The following BRF1 variants were observed in gnomAD, a reference collection of about 807,000 sequenced individuals.
BRF1 encodes the protein transcription factor IIIB 90 kDa subunit.
BRF1 carries 59 observed loss-of-function variants against 81.7 expected under a neutral mutation model. That is an observed-to-expected ratio of 0.72 (90% CI 0.59 to 0.90). The LOEUF is 0.90. BRF1 is among the 40% of genes least tolerant of loss of function. BRF1 has a pLI of 0.00. For synonymous variants in BRF1, 491 were observed against 395.6 expected (o/e 1.24, Z -2.86); for missense variants, 1,050 against 936.3 (o/e 1.12, Z -1.58).
At chr14:105,268,838 G>A (rs1386073672) in intron 3 of BRF1, among the ~76,000 whole-genome samples, 1 of 152,196 alleles carries the variant, frequency 6.6e-6, no homozygotes, top group Non-Finnish European at 1.5e-5. Flanking sequence ...AGTCCAGAAG[G>A]TGACGGGAGC....
chr14:105,210,597 GAGCAC>G lies in BRF1; in HGVS notation c.1997-14_1997-10del. The G allele has an allele frequency of 6.2e-7, 1 of 1,611,426 alleles. No homozygotes were observed. ...GCCATCACAGCCATAGTCTGCAGAAGAGCACAGTCATGAAGCCCAGGGTCTCTGTG... is the reference window on the plus strand; with the variant it reads ...GCCATCACAGCCATAGTCTGCAGAAGAGTCATGAAGCCCAGGGTCTCTGTG... On this transcript the variant is annotated splice_polypyrimidine_tract_variant and intron_variant, in intron 17 of 17. Coordinates refer to ENST00000547530, the MANE Select transcript of BRF1 (RefSeq NM_001519.4). This position sits in a 1 kb window ranked among gnomAD's most constrained non-coding sequence, Gnocchi z 4.7.
intron 12 of BRF1, 112 bp from the exon 13 acceptor site, chr14:105,219,344 G>A (rs977934657): frequency 1.3e-6 from 2 of 1,543,664 alleles, no homozygotes; most frequent in Non-Finnish European, 1.7e-6. Context: ...GGGGAACCCG[G>A]GGCAGCCTCT....
intron 13 of BRF1, 42 bp downstream of exon 13, chr14:105,219,109 G>A (rs1186546995): frequency 2.5e-6 from 4 of 1,613,856 alleles, no homozygotes; most frequent in African/African-American, 1.3e-5. Flanking sequence ...CAGGCCTGGG[G>A]ACTGTGCGTC....
rs117072247 is a variant in BRF1, at chr14:105,286,890, T to C, written c.185-514A>G. ...AGATGTACCTCCAAACCTCTGCAAG[T>C]GGTGCACACACAGCATGGGCTGGCC... On this transcript the variant is annotated intron_variant, in intron 1 of 17. Transcript: ENST00000547530. 9.2e-3 allele frequency among the ~76,000 whole-genome samples: 1,408 copies of C among 152,328 alleles called. 10 individuals carry two copies. The highest frequency in any genetic ancestry group is 0.024 in the Middle Eastern group (7 of 294).
At chr14:105,250,088 G>A in intron 5 of BRF1, 1 of 1,612,984 alleles carries the variant, frequency 6.2e-7, no homozygotes, top group Admixed American at 1.7e-5. Context: ...GACCCTAGAG[G>A]AGTTTGCCAA....
intron 12 of BRF1, chr14:105,219,687 C>T (rs773339217): frequency 2.7e-5 from 11 of 407,704 alleles, no homozygotes; most frequent in Admixed American, 3.9e-5. Context: ...GAGCTGGTCC[C>T]AATGGCTGGA....
chr14:105,258,304 T>C (rs1418447898), intron 3 of BRF1, among the ~76,000 whole-genome samples: 2 of 151,080 alleles, frequency 1.3e-5, no homozygotes, highest in African/African-American at 2.4e-5. Context: ...CTGGCTAACA[T>C]GGTGAAACCC....
intron 15 of BRF1, among the ~76,000 whole-genome samples, chr14:105,215,642 ACACAGG>A (rs1891038040): frequency 6.8e-6 from 1 of 147,672 alleles, no homozygotes; most frequent in Admixed American, 6.7e-5. Context: ...GCATACACAG[ACACAGG>A]CACACACACA....
chr14:105,212,514 CTG>C (rs1437874569), intron 15 of BRF1: 7 of 282,016 alleles, frequency 2.5e-5, no homozygotes, highest in Non-Finnish European at 1.4e-5. Flanking sequence ...TGAAGGGACA[CTG>C]TCAGACCCGA....
intron 5 of BRF1, among the ~76,000 whole-genome samples, chr14:105,243,182 T>C (rs2054828062): frequency 6.6e-6 from 1 of 150,544 alleles, no homozygotes; most frequent in Admixed American, 6.6e-5. Context: ...GGCTCACATC[T>C]GTAATCCCAG....
chr14:105,247,690 G>A (rs1191841644), intron 5 of BRF1: 23 of 985,346 alleles, frequency 2.3e-5, no homozygotes, highest in East Asian at 1.1e-4. Context: ...TCCTGCATAT[G>A]GAAGTTTTAA....
At chr14:105,244,398 C>G (rs2054931126) in intron 5 of BRF1, among the ~76,000 whole-genome samples, 1 of 152,134 alleles carries the variant, frequency 6.6e-6, no homozygotes, top group Non-Finnish European at 1.5e-5. Context: ...GAGCCATGAC[C>G]TTGCCACTGC....
At position 105,219,904 on chromosome 14, in the gene BRF1, G is replaced by C. The variant is rs587625611; in HGVS notation, c.1377+165C>G. The C allele has an allele frequency of 9.6e-5, 70 of 731,178 alleles. No individual in the cohort carries two copies. In the Middle Eastern group the frequency reaches 1.3e-3, roughly 14 times the overall value. 45.3% of individuals were successfully genotyped at this position (731,178 alleles called of 1,614,324 possible). ...GCCGACACTGGAGAAGAGAGTGTGG[G>C]GGGGGGTCCCGGGAACAGTGGCCAG... On this transcript the variant is annotated intron_variant, in intron 12 of 17. Coordinates refer to ENST00000547530, the MANE Select transcript of BRF1 (RefSeq NM_001519.4).
At chr14:105,265,473 C>T (rs901064302) in intron 3 of BRF1, among the ~76,000 whole-genome samples, 1 of 152,022 alleles carries the variant, frequency 6.6e-6, no homozygotes, top group Non-Finnish European at 1.5e-5. Flanking sequence ...GGTAGTGGGC[C>T]GGGTGCAGTG....
At chr14:105,252,626 A>T in intron 4 of BRF1, 47 bp from the exon 5 acceptor site, 1 of 1,588,864 alleles carries the variant, frequency 6.3e-7, no homozygotes, top group Non-Finnish European at 8.6e-7. Context: ...TATTTAAGGA[A>T]ATGTTTGCTT....
intron 15 of BRF1, among the ~76,000 whole-genome samples, chr14:105,214,081 A>T (rs1451051440): frequency 6.6e-6 from 1 of 152,216 alleles, no homozygotes; most frequent in African/African-American, 2.4e-5. Flanking sequence ...TGTTGGGCTC[A>T]GGCTGCTCCC....
At chr14:105,280,127 C>G (rs587685629) in intron 2 of BRF1, among the ~76,000 whole-genome samples, 5 of 152,348 alleles carry the variant, frequency 3.3e-5, no homozygotes, top group Admixed American at 2.0e-4. Flanking sequence ...CATAATCGCC[C>G]AAGCCCAGAT....
chr14:105,285,245 A>G (rs1242134418), intron 2 of BRF1, among the ~76,000 whole-genome samples: 1 of 152,256 alleles, frequency 6.6e-6, no homozygotes, highest in African/African-American at 2.4e-5. Flanking sequence ...GAGGACTCAC[A>G]GTTCCTGATT....
chr14:105,288,903 G>A (rs2057414910), intron 1 of BRF1, among the ~76,000 whole-genome samples: 1 of 152,008 alleles, frequency 6.6e-6, no homozygotes, highest in Non-Finnish European at 1.5e-5. Context: ...TGGGTGTGGT[G>A]GCACCTGCTT....
Sources: allele counts gnomAD v4.1 joint callset (sites outside exome capture counted in the v4.1 genomes callset), GRCh38; gene constraint gnomAD v4.1.1; non-coding constraint Gnocchi (gnomAD v3.1); transcripts MANE v1.5; gene names NCBI Gene and HGNC (gene_info 2026-07-23, HGNC 2026-07-21).